Variants in RUVBL1 observed in about 807,000 individuals in gnomAD.
RUVBL1 encodes RuvB like AAA ATPase 1, also known as ruvB-like 1.
Under a neutral mutation model 52.4 loss-of-function variants are expected in RUVBL1, and 4 were observed. That is an observed-to-expected ratio of 0.08 (90% CI 0.04 to 0.17). RUVBL1 has a LOEUF of 0.17. Among genes scored for constraint, RUVBL1 ranks in the 10% least tolerant of loss-of-function variants. The pLI is 1.00. For synonymous variants in RUVBL1, 217 were observed against 214.4 expected, an observed-to-expected ratio of 1.01 and a Z score of -0.10; for missense variants, 298 against 572.8, an observed-to-expected ratio of 0.52 and a Z score of 4.90.
chr3:128,136,662 A>C (rs1943953123), intron 1 of RUVBL1, among the ~76,000 whole-genome samples: 1 of 151,962 alleles, frequency 6.6e-6, no homozygotes, highest in Admixed American at 6.6e-5. Context: ...TGCCTATAAG[A>C]AACATATTTC....
downstream of RUVBL1, among the ~76,000 whole-genome samples, chr3:128,079,878 A>G (rs1414542300): frequency 1.3e-5 from 2 of 152,232 alleles, no homozygotes; most frequent in African/African-American, 4.8e-5. Flanking sequence ...GACCAAGATG[A>G]CCATCCTAGT....
Position 128,131,533 on chromosome 3 carries a change from C to CA in RUVBL1, c.-39-12120dup, listed in dbSNP as rs71153123. Among the ~76,000 whole-genome samples the CA allele has an allele frequency of 3.1e-3, 464 of 150,570 alleles. 1 individual carries two copies. The highest frequency in any genetic ancestry group is 4.9e-3 in the Non-Finnish European group (334 of 67,482). On this transcript the variant is annotated intron_variant, in intron 1 of 9. Transcript: ENST00000464873. Reference sequence around the variant, plus strand: ...CTGTAAAACAAACCAACAACAACAACAAAAAAAAACAGATCAAGATCCTGT... The same window carrying CA: ...CTGTAAAACAAACCAACAACAACAACAAAAAAAAAACAGATCAAGATCCTGT...
Position 128,101,138 on chromosome 3 carries a change from G to C in RUVBL1, c.604-394C>G, listed in dbSNP as rs542789334. 5.9e-5 allele frequency among the ~76,000 whole-genome samples: 9 copies of C among 152,272 alleles called. 1 individual carries two copies. In the South Asian group the frequency reaches 6.2e-4, roughly 11 times the overall value. ...TTAAACAGTGAGGAACACTGTACAG[G>C]ACCCTGAAAATCAGATAGAAAAGAA... is the stretch of plus-strand genomic sequence containing the variant. On this transcript the variant is annotated intron_variant, in intron 5 of 10. Transcript: ENST00000322623.
In RUVBL1 at chr3:128,134,529, G is replaced by A. The variant is rs145505439; in HGVS notation, c.-39-15115C>T. 1.9e-3 allele frequency among the ~76,000 whole-genome samples: 290 copies of A among 150,898 alleles called. 2 individuals are homozygous for A. Among genetic ancestry groups the A allele is most frequent in the African/African-American group, 6.7e-3 (274 of 41,018 alleles). Reference sequence around the variant, plus strand: ...TGGCCAGGCATGGTGGCTCATGCCTGTAATCCCAGCACTTTGGGAGGCCAA... The same window carrying A: ...TGGCCAGGCATGGTGGCTCATGCCTATAATCCCAGCACTTTGGGAGGCCAA... On this transcript the variant is annotated intron_variant, in intron 1 of 9. Transcript: ENST00000464873.
chr3:128,091,305 G>T (rs991501832), intron 8 of RUVBL1, among the ~76,000 whole-genome samples: 2 of 152,038 alleles, frequency 1.3e-5, no homozygotes, highest in Non-Finnish European at 2.9e-5. Context: ...GGGGGAACGG[G>T]GGGTGGGGAG....
chr3:128,083,616 C>A (rs560620351), intron 9 of RUVBL1: 2 of 152,252 alleles, frequency 1.3e-5, no homozygotes, highest in Admixed American at 1.3e-4. Flanking sequence ...CCTTGGAAAG[C>A]CCCAGCAGGA....
At position 128,082,354 on chromosome 3, in the gene RUVBL1, G is replaced by A. The variant is rs943615948; in HGVS notation, c.1211+129C>T. The A allele has an allele frequency of 3.9e-5, 27 of 686,048 alleles. No individual in the cohort carries two copies. In the East Asian group the frequency reaches 5.0e-4, roughly 13 times the overall value. The allele number at this position is 686,048 out of a possible 1,614,324, so 42.5% of individuals were successfully genotyped here. Reference sequence around the variant, plus strand: ...AAACTCAAGTGCCCTGGCACCCATCGCGCCAGGAAGAGCGGATGGATAGAG... The same window carrying A: ...AAACTCAAGTGCCCTGGCACCCATCACGCCAGGAAGAGCGGATGGATAGAG... On this transcript the variant is annotated intron_variant, in intron 10 of 10. Transcript: ENST00000322623. The surrounding 1 kb of genome is among the most constrained non-coding windows in gnomAD (Gnocchi z 4.7).
At position 128,067,010 on chromosome 3, in the gene RUVBL1, C is replaced by G. The variant is rs916026371; in HGVS notation, c.940-1790G>C. On this transcript the variant is annotated intron_variant, in intron 9 of 9. Coordinates refer to the RUVBL1 transcript ENST00000464873. The surrounding 1 kb of genome is among the most constrained non-coding windows in gnomAD (Gnocchi z 4.1). ...CCCGCTACCGTGGCCAGTACAACACCTATCCCATCAAGCTCTTCTATACGT... is the reference window on the plus strand; with the variant it reads ...CCCGCTACCGTGGCCAGTACAACACGTATCCCATCAAGCTCTTCTATACGT... 6.2e-7 allele frequency: 1 copy of G among 1,614,206 alleles called. No individual in the cohort carries two copies. Among genetic ancestry groups the G allele is most frequent in the African/African-American group, 1.3e-5 (1 of 75,034 alleles).
chr3:128,123,882 T>G, upstream of RUVBL1: 2 of 1,306,024 alleles, frequency 1.5e-6, no homozygotes, highest in African/African-American at 3.0e-5. Flanking sequence ...CCGCTCTCCA[T>G]AGGCTCACGG....
intron 1 of RUVBL1, among the ~76,000 whole-genome samples, chr3:128,146,269 G>A (rs779539388): frequency 1.3e-5 from 2 of 152,102 alleles, no homozygotes; most frequent in Non-Finnish European, 2.9e-5. Context: ...AAGGTAGCAT[G>A]GTGTGTGTAT....
chr3:128,065,641 ATTCC>A (rs897075980), intron 9 of RUVBL1, among the ~76,000 whole-genome samples: 7 of 151,754 alleles, frequency 4.6e-5, no homozygotes, highest in Non-Finnish European at 8.8e-5. Flanking sequence ...TGCTTTTCCC[ATTCC>A]TTCTGCTGAG....
intron 1 of RUVBL1, among the ~76,000 whole-genome samples, chr3:128,122,846 A>T (rs1158286548): frequency 1.3e-5 from 2 of 152,204 alleles, no homozygotes; most frequent in Non-Finnish European, 2.9e-5. Flanking sequence ...AACGAGTGTC[A>T]AGCATATACG....
chr3:128,085,942 T>C lies in RUVBL1; in HGVS notation c.1119+1764A>G, dbSNP rs148447431. Reference sequence around the variant, plus strand: ...AAAGCCTGGATTACAGCCAGTCCCATTACCTGCTAGCCACTGACTAATGTT... The same window carrying C: ...AAAGCCTGGATTACAGCCAGTCCCACTACCTGCTAGCCACTGACTAATGTT... On this transcript the variant is annotated intron_variant, in intron 9 of 10. Coordinates refer to ENST00000322623, the MANE Select transcript of RUVBL1 (RefSeq NM_003707.3). 2.0e-3 allele frequency among the ~76,000 whole-genome samples: 309 copies of C among 152,324 alleles called. 2 individuals carry two copies. The highest frequency in any genetic ancestry group is 6.7e-3 in the African/African-American group (279 of 41,568).
Position 128,109,934 on chromosome 3 carries a change from G to T in RUVBL1, c.361+2954C>A, listed in dbSNP as rs541732860. 3.5e-5 allele frequency among the ~76,000 whole-genome samples: 5 copies of T among 144,562 alleles called. No individual in the cohort carries two copies. In the South Asian group the frequency reaches 1.1e-3, roughly 32 times the overall value. 94.8% of individuals were successfully genotyped at this position (144,562 alleles called of 152,430 possible). A position where few individuals can be genotyped will look rare whatever the true frequency, so the allele number is the denominator to read the frequency against. ...GGGTTCAAGCAATTCTCCTGCCTCA[G>T]CCTCCCAAGTAGCTGGGATTACAGG... On this transcript the variant is annotated intron_variant, in intron 3 of 10. Transcript: ENST00000322623.
chr3:128,141,549 G>A (rs1036559568), intron 1 of RUVBL1, among the ~76,000 whole-genome samples: 5 of 152,114 alleles, frequency 3.3e-5, no homozygotes, highest in Non-Finnish European at 5.9e-5. Context: ...AGGCCGGAGT[G>A]TAAGTGGCAC....
intron 4 of RUVBL1, among the ~76,000 whole-genome samples, chr3:128,102,255 C>T (rs1943124094): frequency 6.6e-6 from 1 of 152,234 alleles, no homozygotes; most frequent in Admixed American, 6.5e-5. Context: ...CAGATGTATA[C>T]AGTAATTCAA....
At chr3:128,083,436 C>T (rs1394533179) in intron 9 of RUVBL1, 1 of 152,290 alleles carries the variant, frequency 6.6e-6, no homozygotes, top group East Asian at 1.9e-4. Context: ...CAGCTTCAGC[C>T]TTCCAGGAGG....
chr3:128,089,368 C>T (rs1942759837), intron 8 of RUVBL1, among the ~76,000 whole-genome samples: 1 of 152,048 alleles, frequency 6.6e-6, no homozygotes, highest in Non-Finnish European at 1.5e-5. Context: ...TCTGCCTTGG[C>T]CTCTGGGGGT....
At chr3:128,149,962 T>C (rs1244485497) in intron 1 of RUVBL1, among the ~76,000 whole-genome samples, 1 of 152,234 alleles carries the variant, frequency 6.6e-6, no homozygotes, top group Admixed American at 6.5e-5. Flanking sequence ...CAGCTTCTTC[T>C]CTTCAGCCCC....
Sources: gnomAD v4.1 joint callset for allele counts (sites outside exome capture counted in the v4.1 genomes callset) on GRCh38, gnomAD v4.1.1 for gene constraint, Gnocchi (gnomAD v3.1) non-coding constraint, MANE v1.5 for transcripts, NCBI Gene and HGNC (gene_info 2026-07-23, HGNC 2026-07-21) for gene names.